The following MED12L variants were observed in gnomAD, a reference collection of about 807,000 sequenced individuals.
MED12L encodes the protein mediator of RNA polymerase II transcription subunit 12-like protein.
MED12L carries 60 observed loss-of-function variants against 281.3 expected under a neutral mutation model. That is an observed-to-expected ratio of 0.21 (90% CI 0.17 to 0.26). MED12L has a LOEUF of 0.26. Ranked by LOEUF, MED12L falls within the 10% of genes least tolerant of loss-of-function variation. The pLI is 1.00. For missense variants in MED12L, 2,146 were observed against 2,680.9 expected (o/e 0.80, Z 4.41); for synonymous variants, 974 against 987.2 (o/e 0.99, Z 0.25).
At chr3:151,332,121 C>T (rs1750419820) in intron 16 of MED12L, among the ~76,000 whole-genome samples, 1 of 152,126 alleles carries the variant, frequency 6.6e-6, no homozygotes. Context: ...AGAAGGGATA[C>T]AAAGAAGATA....
chr3:151,436,631 T>A lies in MED12L; in HGVS notation c.*3827T>A. On this transcript the variant is annotated 3_prime_UTR_variant, in exon 45 of 45. Transcript: ENST00000687756. ...TTTACATGCCTATGGCTGCCTTTGA[T>A]TAAACTTCTTCCAAAAAATAAATTC... The A allele has an allele frequency of 7.8e-7, 1 of 1,275,840 alleles. No individual in the cohort carries two copies. Among genetic ancestry groups the A allele is most frequent in the Non-Finnish European group, 1.1e-6 (1 of 913,394 alleles). The allele number at this position is 1,275,840 out of a possible 1,614,324, so 79.0% of individuals were successfully genotyped here. A position where few individuals can be genotyped will look rare whatever the true frequency, so the allele number is the denominator to read the frequency against.
intron 11 of MED12L, among the ~76,000 whole-genome samples, chr3:151,168,313 C>T (rs750589735): frequency 1.6e-4 from 25 of 152,128 alleles, no homozygotes; most frequent in Admixed American, 1.0e-3. Flanking sequence ...TTATTATGAT[C>T]GTATAGGTAT....
Position 151,157,860 on chromosome 3 carries a change from A to G in MED12L, c.727-829A>G, listed in dbSNP as rs146707537. ...TACTAAGTTTGTTACCAGAATGACC[A>G]TAAAAGTATATGTCTTTCCCAGAAA... is the stretch of plus-strand genomic sequence containing the variant. On this transcript the variant is annotated intron_variant, in intron 6 of 44. Transcript: ENST00000687756. 1.6e-3 allele frequency among the ~76,000 whole-genome samples: 242 copies of G among 152,340 alleles called. 6 individuals are homozygous for G. The South Asian group carries it at 0.045, about 28-fold the overall frequency.
At chr3:151,167,348 C>G (rs757363159) in intron 11 of MED12L, among the ~76,000 whole-genome samples, 16 of 152,158 alleles carry the variant, frequency 1.1e-4, no homozygotes, top group Non-Finnish European at 1.9e-4. Flanking sequence ...GTGCTAGGCA[C>G]TAGGACTGCA....
At chr3:151,383,123 C>T (rs1424854986) in intron 33 of MED12L, among the ~76,000 whole-genome samples, 2 of 152,196 alleles carry the variant, frequency 1.3e-5, no homozygotes, top group Non-Finnish European at 2.9e-5. Context: ...TCCAACTTTC[C>T]ATCAAATTGA....
At chr3:151,179,246 A>G (rs1213467640) in intron 11 of MED12L, among the ~76,000 whole-genome samples, 3 of 151,908 alleles carry the variant, frequency 2.0e-5, no homozygotes, top group African/African-American at 7.3e-5. Flanking sequence ...AGGCTAAGGC[A>G]GGAGAATCGC....
At chr3:151,384,788 A>G (rs1038184875) in intron 35 of MED12L, 4 of 418,592 alleles carry the variant, frequency 9.6e-6, no homozygotes, top group Admixed American at 4.6e-5. Context: ...TTTCAGCACT[A>G]TGATGTTTGT....
At chr3:151,387,774 C>T in intron 36 of MED12L, 36 bp from the exon 37 acceptor site, 1 of 1,562,090 alleles carries the variant, frequency 6.4e-7, no homozygotes, top group Non-Finnish European at 8.7e-7. Context: ...AGGAAAAGAT[C>T]TGAGTGTGCT....
At chr3:151,360,179 C>A (rs190077658) in intron 20 of MED12L, among the ~76,000 whole-genome samples, 77 of 152,202 alleles carry the variant, frequency 5.1e-4, no homozygotes, top group African/African-American at 1.8e-3. Flanking sequence ...TGTCTCAGTC[C>A]CAGCAACTTA....
intron 16 of MED12L, among the ~76,000 whole-genome samples, chr3:151,277,404 CT>C (rs1428550145): frequency 6.6e-6 from 1 of 152,004 alleles, no homozygotes; most frequent in African/African-American, 2.4e-5. Flanking sequence ...TTCTTTTTAA[CT>C]TAATGGCTAG....
chr3:151,119,126 A>G (rs918975007), intron 3 of MED12L, among the ~76,000 whole-genome samples: 12 of 152,226 alleles, frequency 7.9e-5, no homozygotes, highest in African/African-American at 2.9e-4. Flanking sequence ...ATGTGCTGTA[A>G]TTGACTGAAA....
Position 151,257,594 on chromosome 3 carries a change from A to G in MED12L, c.2250+63928A>G, listed in dbSNP as rs111855397. Among the ~76,000 whole-genome samples the G allele has an allele frequency of 6.9e-3, 1,046 of 152,380 alleles. 8 individuals carry two copies. The highest frequency in any genetic ancestry group is 0.016 in the South Asian group (76 of 4,828). ...GTTCTGTATGCCTGGCACATAGAAG[A>G]GAAAAATAAATATTGTCTGTCATCA... On this transcript the variant is annotated intron_variant, in intron 16 of 44. Transcript: ENST00000687756.
intron 16 of MED12L, among the ~76,000 whole-genome samples, chr3:151,312,285 T>C (rs773137126): frequency 1.3e-5 from 2 of 152,228 alleles, no homozygotes; most frequent in Non-Finnish European, 2.9e-5. Flanking sequence ...ATTGTTTTCT[T>C]GGATCTCTCT....
At chr3:151,336,648 G>A (rs1339834736) in intron 16 of MED12L, 7 of 423,986 alleles carry the variant, frequency 1.7e-5, no homozygotes, top group Non-Finnish European at 1.4e-5. Flanking sequence ...GAATTAGACT[G>A]CATGTTATAA....
At chr3:151,391,737 ACTTT>A (rs1714258349) in intron 38 of MED12L, among the ~76,000 whole-genome samples, 1 of 152,318 alleles carries the variant, frequency 6.6e-6, no homozygotes, top group African/African-American at 2.4e-5. Flanking sequence ...CTTATATCTT[ACTTT>A]CTTATTGATT....
intron 16 of MED12L, among the ~76,000 whole-genome samples, chr3:151,263,763 A>AC (rs140276177): frequency 1.2e-3 from 187 of 151,856 alleles, no homozygotes; most frequent in African/African-American, 2.0e-3. Context: ...TTCCCGTACC[A>AC]CCCCCCCCAC....
At chr3:151,254,910 T>G (rs893307398) in intron 16 of MED12L, among the ~76,000 whole-genome samples, 4 of 152,208 alleles carry the variant, frequency 2.6e-5, no homozygotes, top group African/African-American at 7.2e-5. Flanking sequence ...TTCATTCTTG[T>G]CGGAATAGTT....
intron 5 of MED12L, among the ~76,000 whole-genome samples, chr3:151,133,612 A>G (rs545903879): frequency 6.6e-5 from 10 of 152,186 alleles, no homozygotes; most frequent in Non-Finnish European, 1.5e-4. Context: ...TGAAAAAAAA[A>G]AAAGGTTTAG....
In MED12L at chr3:151,184,869, G is replaced by A. The variant is rs561921796; in HGVS notation, c.1495-461G>A. 4.6e-5 allele frequency among the ~76,000 whole-genome samples: 7 copies of A among 152,260 alleles called. No homozygotes were observed. In the South Asian group the frequency reaches 1.5e-3, roughly 32 times the overall value. On this transcript the variant is annotated intron_variant, in intron 11 of 44. Transcript: ENST00000687756. ...TTGTTCCTTCTAATTTTGTATTGGA[G>A]TGGGTCACTGGATAACCTGGCTTGT... is the stretch of plus-strand genomic sequence containing the variant.
Sources: gnomAD v4.1 joint callset for allele counts (sites outside exome capture counted in the v4.1 genomes callset) on GRCh38, gnomAD v4.1.1 for gene constraint, MANE v1.5 for transcripts, NCBI Gene and HGNC (gene_info 2026-07-23, HGNC 2026-07-21) for gene names.